The following SH3GL1 variants were observed in gnomAD, a reference collection of about 807,000 sequenced individuals.
The protein encoded by SH3GL1 is SH3 domain containing GRB2 like 1, endophilin A2.
Under a neutral mutation model 48.8 loss-of-function variants are expected in SH3GL1, and 21 were observed. The ratio of observed to expected loss-of-function variants is 0.43; its 90% CI spans 0.30 to 0.62. SH3GL1 has a LOEUF of 0.62. SH3GL1 is among the 20% of genes least tolerant of loss of function. The probability of loss-of-function intolerance (pLI) is 0.11; values close to 1 mark genes in which losing one functional copy is unlikely to be tolerated. For synonymous variants in SH3GL1, 282 were observed against 217.5 expected (o/e 1.30, Z -2.61); for missense variants, 454 against 503.0 (o/e 0.90, Z 0.93).
Position 4,400,318 on chromosome 19 carries a change from G to GCT in SH3GL1, c.45+4_45+5dup. On this transcript the variant is annotated splice_donor_region_variant and intron_variant, in intron 1 of 9. Coordinates refer to ENST00000269886, the MANE Select transcript of SH3GL1 (RefSeq NM_003025.4). The surrounding 1 kb of genome is among the most constrained non-coding windows in gnomAD (Gnocchi z 4.1). The stretch of plus-strand genomic sequence containing the variant: ...GTACTCGGCTCCCGCCTGGGCCTGC[G>GCT]CTCACCTGGCTCGCCTTGTAGAACT... 6.3e-7 allele frequency: 1 copy of GCT among 1,598,536 alleles called. No individual in the cohort carries two copies. Among genetic ancestry groups the GCT allele is most frequent in the Non-Finnish European group, 8.5e-7 (1 of 1,175,624 alleles).
rs141894732 is a variant in SH3GL1, at chr19:4,384,257, C to G, written c.45+16067G>C. Among the ~76,000 whole-genome samples the G allele has an allele frequency of 2.6e-5, 4 of 152,342 alleles. No individual in the cohort carries two copies. The South Asian group carries it at 6.2e-4, about 24-fold the overall frequency. ...GGCGCAGGAGCCCCCCAGTTCATCC[C>G]GCTCCGGACCACACAGAGCTAACCC... On this transcript the variant is annotated intron_variant, in intron 1 of 9. Coordinates refer to ENST00000269886, the MANE Select transcript of SH3GL1 (RefSeq NM_003025.4).
chr19:4,374,041 C>T (rs968284057), intron 1 of SH3GL1, among the ~76,000 whole-genome samples: 3 of 152,140 alleles, frequency 2.0e-5, no homozygotes, highest in Admixed American at 1.3e-4. Flanking sequence ...TGGCAGAGAG[C>T]GATAAATGCT....
intron 1 of SH3GL1, chr19:4,390,163 TGAG>T (rs1973310307): frequency 1.3e-5 from 2 of 152,370 alleles, no homozygotes; most frequent in Non-Finnish European, 2.9e-5. Flanking sequence ...CCTGCTGTGG[TGAG>T]GAGGTCTCCC....
At chr19:4,368,113 C>T (rs530138584) in intron 1 of SH3GL1, among the ~76,000 whole-genome samples, 6 of 152,370 alleles carry the variant, frequency 3.9e-5, no homozygotes, top group South Asian at 2.1e-4. Context: ...CGTGCACACA[C>T]GGCCTGGGCA....
chr19:4,362,425 G>A (rs199579879), intron 8 of SH3GL1, 40 bp from the exon 9 acceptor site: 154 of 1,593,308 alleles, frequency 9.7e-5, no homozygotes, highest in East Asian at 2.1e-4. Flanking sequence ...GGCTCAAAAC[G>A]GTCGGGCAGG....
At chr19:4,383,913 T>C (rs1973186149) in intron 1 of SH3GL1, among the ~76,000 whole-genome samples, 1 of 152,180 alleles carries the variant, frequency 6.6e-6, no homozygotes, top group African/African-American at 2.4e-5. Flanking sequence ...CAGTGTGGCT[T>C]TGTTTGACCT....
chr19:4,372,457 A>G (rs112217274), intron 1 of SH3GL1, among the ~76,000 whole-genome samples: 89 of 152,324 alleles, frequency 5.8e-4, no homozygotes, highest in African/African-American at 2.1e-3. Flanking sequence ...CAGAAGCAGC[A>G]GAGTCCTTAT....
At chr19:4,364,849 C>T (rs1291442035) in intron 4 of SH3GL1, among the ~76,000 whole-genome samples, 10 of 137,984 alleles carry the variant, frequency 7.2e-5, no homozygotes, top group Admixed American at 7.1e-4. Flanking sequence ...CAGGCATGCA[C>T]TACCACACCC....
intron 4 of SH3GL1, chr19:4,364,662 C>T (rs1972721783): frequency 6.0e-6 from 1 of 165,714 alleles, no homozygotes; most frequent in Non-Finnish European, 1.3e-5. Context: ...AACTCCTGAC[C>T]TTGTGATCCG....
chr19:4,379,286 C>T (rs1323248353), intron 1 of SH3GL1, among the ~76,000 whole-genome samples: 2 of 151,990 alleles, frequency 1.3e-5, no homozygotes, highest in African/African-American at 4.8e-5. Flanking sequence ...AAACCCCAGG[C>T]ATGGTGGCTC....
chr19:4,361,628 ACG>A lies in SH3GL1; in HGVS notation c.1077_1078del (p.Val360GlyfsTer43). 6.2e-7 allele frequency: 1 copy of A among 1,605,936 alleles called. No individual in the cohort carries two copies. Among genetic ancestry groups the A allele is most frequent in the Non-Finnish European group, 8.5e-7 (1 of 1,178,994 alleles). ...CTGCGGCAGGGGCACAAGCACCTCC[ACG>A]TAGCTGAGCGGGAAGAAGCCCGACT... On this transcript the variant is annotated frameshift_variant, in exon 10 of 10. Transcript: ENST00000269886. LOFTEE classifies it high-confidence loss of function.
rs1304520572 is a variant in SH3GL1 at position 4,361,529 on chromosome 19, T to A, written c.*71A>T. 2.4e-6 allele frequency: 3 copies of A among 1,226,484 alleles called. No individual in the cohort carries two copies. The highest frequency in any genetic ancestry group is 3.4e-6 in the Non-Finnish European group (3 of 872,694). The allele number at this position is 1,226,484 out of a possible 1,614,324, so 76.0% of individuals were successfully genotyped here. A position where few individuals can be genotyped will look rare whatever the true frequency, so the allele number is the denominator to read the frequency against. ...CACCGCCCTGGCAGCAGGGGCTCCG[T>A]GGAATGCAGGAGACCCAGCAGGGGG... On this transcript the variant is annotated 3_prime_UTR_variant, in exon 10 of 10. Transcript: ENST00000269886.
rs561894753 is a variant in SH3GL1 at position 4,365,355 on chromosome 19, C to T, written c.331+127G>A. The T allele has an allele frequency of 1.2e-5, 16 of 1,303,504 alleles. No individual in the cohort carries two copies. The South Asian group carries it at 1.9e-4, about 16-fold the overall frequency. 80.7% of individuals were successfully genotyped at this position (1,303,504 alleles called of 1,614,324 possible). A position where few individuals can be genotyped will look rare whatever the true frequency, so the allele number is the denominator to read the frequency against. ...TGTGCAGTCTCCTGCACCTCTGCAGCTGGAAAGCTGTGGGGGCCACTGTAC... is the reference window on the plus strand; with the variant it reads ...TGTGCAGTCTCCTGCACCTCTGCAGTTGGAAAGCTGTGGGGGCCACTGTAC... On this transcript the variant is annotated intron_variant, in intron 4 of 9. Coordinates refer to ENST00000269886, the MANE Select transcript of SH3GL1 (RefSeq NM_003025.4).
At position 4,361,759 on chromosome 19, in the gene SH3GL1, G is replaced by C; in HGVS notation, c.948C>G (p.Asp316Glu). 6.2e-7 allele frequency: 1 copy of C among 1,611,792 alleles called. No homozygotes were observed. The highest frequency in any genetic ancestry group is 8.5e-7 in the Non-Finnish European group (1 of 1,179,854). Reference sequence around the variant, plus strand: ...GCTCCCCGTCGTTCTCGGGCTCGAAGTCGTACAGCGCCTTGCAGCTCGGCT... The same window carrying C: ...GCTCCCCGTCGTTCTCGGGCTCGAACTCGTACAGCGCCTTGCAGCTCGGCT... ...LDQPSCKALYDFEPENDGELG... is the reference protein window; with the variant it reads ...LDQPSCKALYEFEPENDGELG... The change falls in exon 10 of 10, where the codon GAC (aspartate) becomes GAG (glutamate). Residue 316 changes from aspartate to glutamate, a missense_variant. Physicochemically the swap from Asp to Glu is conservative, Grantham distance 45 (BLOSUM62 2). Transcript: ENST00000269886.
intron 1 of SH3GL1, among the ~76,000 whole-genome samples, chr19:4,385,875 G>A (rs1236998207): frequency 6.6e-6 from 1 of 152,194 alleles, no homozygotes; most frequent in Non-Finnish European, 1.5e-5. Flanking sequence ...CCCACACTAC[G>A]CTCAGCCAGG....
Position 4,389,298 on chromosome 19 carries a change from C to G in SH3GL1, c.45+11026G>C, listed in dbSNP as rs913905171. 2.0e-5 allele frequency among the ~76,000 whole-genome samples: 3 copies of G among 152,172 alleles called. No homozygotes were observed. The highest frequency in any genetic ancestry group is 7.2e-5 in the African/African-American group (3 of 41,442). On this transcript the variant is annotated intron_variant, in intron 1 of 9. Coordinates refer to ENST00000269886, the MANE Select transcript of SH3GL1 (RefSeq NM_003025.4). This position sits in a 1 kb window ranked among gnomAD's most constrained non-coding sequence, Gnocchi z 4.5. ...GGCATCTGGGTGGGGGACCCCGAGG[C>G]CAGAAGCTCCAAGGGCTGAGAACTC... is the stretch of plus-strand genomic sequence containing the variant.
chr19:4,379,738 C>T (rs1415354941), intron 1 of SH3GL1, among the ~76,000 whole-genome samples: 1 of 152,110 alleles, frequency 6.6e-6, no homozygotes, highest in East Asian at 1.9e-4. Flanking sequence ...TGTGCATGGG[C>T]GAGCCTGTGG....
Position 4,366,498 on chromosome 19 carries a change from C to T in SH3GL1, c.187+3G>A, listed in dbSNP as rs954894684. The T allele has an allele frequency of 6.2e-7, 1 of 1,608,538 alleles. No individual in the cohort carries two copies. The highest frequency in any genetic ancestry group is 1.3e-5 in the African/African-American group (1 of 74,940). ...AGGCCCTGGCAGTGGCTGGAGCACC[C>T]ACCTGGGTTGGGCTGCAGGTACTCG... On this transcript the variant is annotated splice_donor_region_variant and intron_variant, in intron 3 of 9. Coordinates refer to ENST00000269886, the MANE Select transcript of SH3GL1 (RefSeq NM_003025.4).
rs371018155 is a variant in SH3GL1, at chr19:4,378,752, C to T, written c.46-11758G>A. Among the ~76,000 whole-genome samples, 23 of 152,196 alleles carry T rather than the reference C, an allele frequency of 1.5e-4. No homozygotes were observed. The South Asian group carries it at 3.7e-3, about 25-fold the overall frequency. On this transcript the variant is annotated intron_variant, in intron 1 of 9. Coordinates refer to ENST00000269886, the MANE Select transcript of SH3GL1 (RefSeq NM_003025.4). ...AAAAAAAACAGAAACCATACACCAC[C>T]CTACGATCCTAGGCTACTGTGCACT...
Sources: allele counts gnomAD v4.1 joint callset (sites outside exome capture counted in the v4.1 genomes callset), GRCh38; gene constraint gnomAD v4.1.1; non-coding constraint Gnocchi (gnomAD v3.1); transcripts MANE v1.5; gene names NCBI Gene and HGNC (gene_info 2026-07-23, HGNC 2026-07-21).